GABRD: variants seen among roughly 807,000 people sequenced by gnomAD.
GABRD encodes gamma-aminobutyric acid receptor subunit delta.
GABRD carries 25 observed loss-of-function variants against 47.3 expected under a neutral mutation model. The ratio of observed to expected loss-of-function variants is 0.53; its 90% CI spans 0.39 to 0.74. The LOEUF is 0.74. Among genes scored for constraint, GABRD ranks in the 30% least tolerant of loss-of-function variants. The pLI is 0.00. For synonymous variants in GABRD, 314 were observed against 278.8 expected (o/e 1.13, Z -1.26); for missense variants, 497 against 643.4 (o/e 0.77, Z 2.46).
intron 4 of GABRD, chr1:2,027,248 G>A (rs1053413289): frequency 1.7e-5 from 7 of 420,074 alleles, no homozygotes; most frequent in Non-Finnish European, 2.2e-5. Context: ...GGCAACTCTG[G>A]GCCTATTCCC....
chr1:2,027,383 C>T (rs111756109), intron 4 of GABRD, 194 bp from the exon 5 acceptor site: 12 of 629,998 alleles, frequency 1.9e-5, no homozygotes, highest in Admixed American at 4.6e-5. Context: ...CAGTTCTTGA[C>T]GGTCCTAAAG....
chr1:2,020,578 A>C (rs1246650260), intron 1 of GABRD, among the ~76,000 whole-genome samples: 2 of 152,182 alleles, frequency 1.3e-5, no homozygotes, highest in African/African-American at 4.8e-5. Context: ...CCCTGGCTCT[A>C]AGCAGCCCGT....
chr1:2,020,107 G>C lies in GABRD; in HGVS notation c.68+616G>C, dbSNP rs1658734704. Reference sequence around the variant, plus strand: ...GTGCCCCTGGCCACAGAAAAGAGATGGTGGATTTCTTAACTATTTTGGGAG... The same window carrying C: ...GTGCCCCTGGCCACAGAAAAGAGATCGTGGATTTCTTAACTATTTTGGGAG... On this transcript the variant is annotated intron_variant, in intron 1 of 8. Coordinates refer to ENST00000378585, the MANE Select transcript of GABRD (RefSeq NM_000815.5). Among the ~76,000 whole-genome samples the C allele has an allele frequency of 2.6e-5, 4 of 152,166 alleles. No individual in the cohort carries two copies. The South Asian group carries it at 8.3e-4, about 31-fold the overall frequency.
Position 2,027,678 on chromosome 1 carries a change from C to T in GABRD, c.553+19C>T, listed in dbSNP as rs762652716. The T allele has an allele frequency of 1.2e-5, 19 of 1,606,388 alleles. No homozygotes were observed. Among genetic ancestry groups the T allele is most frequent in the Middle Eastern group, 1.7e-4 (1 of 6,054 alleles). On this transcript the variant is annotated intron_variant, in intron 5 of 8. Transcript: ENST00000378585. ...GAGAGCTGTGAGTGGGTGTGCAAGG[C>T]GGGTAGGGGCTTCTCCAGCAGTGGA...
chr1:2,025,130 C>A, intron 2 of GABRD, 76 bp downstream of exon 2: 1 of 1,379,682 alleles, frequency 7.2e-7, no homozygotes, highest in Non-Finnish European at 1.0e-6. Context: ...GCCCACTGGG[C>A]TGTAGGCTGG....
intron 6 of GABRD, 66 bp from the exon 7 acceptor site, chr1:2,029,045 C>A: frequency 2.0e-6 from 3 of 1,528,536 alleles, no homozygotes; most frequent in Non-Finnish European, 2.6e-6. Flanking sequence ...GCCCTGCAGC[C>A]CCTGAGTCCC....
intron 4 of GABRD, 187 bp downstream of exon 4, chr1:2,025,925 C>G (rs1051313360): frequency 1.7e-6 from 1 of 604,126 alleles, no homozygotes; most frequent in East Asian, 2.8e-5. Context: ...AACATCCGCT[C>G]CAAGGTCGCC....
At position 2,019,350 on chromosome 1, in the gene GABRD, C is replaced by T; in HGVS notation, c.-74C>T. On this transcript the variant is annotated 5_prime_UTR_variant, in exon 1 of 9. Coordinates refer to ENST00000378585, the MANE Select transcript of GABRD (RefSeq NM_000815.5). ...CGCCCGCGCCGCGCTCGCTCAGCTC[C>T]CGCCCGCCTGTGCCGCCTGTGCGGC... The T allele has an allele frequency of 1.2e-6, 1 of 848,814 alleles. No homozygotes were observed. Among genetic ancestry groups the T allele is most frequent in the Non-Finnish European group, 1.4e-6 (1 of 705,374 alleles). The allele number at this position is 848,814 out of a possible 1,614,324, so 52.6% of individuals were successfully genotyped here.
chr1:2,025,071 G>T lies in GABRD; in HGVS notation c.181+17G>T, dbSNP rs772795206. 1.3e-6 allele frequency: 2 copies of T among 1,597,962 alleles called. No homozygotes were observed. The highest frequency in any genetic ancestry group is 2.2e-5 in the South Asian group (2 of 90,254). On this transcript the variant is annotated intron_variant, in intron 2 of 8. Transcript: ENST00000378585. ...GCATCGGAGGTGAGGGGCGGTCCAG[G>T]CCCGGCAGGCAGGAGCCGCTGGAGC...
At position 2,027,633 on chromosome 1, in the gene GABRD, A is replaced by C. The variant is rs1412374892; in HGVS notation, c.527A>C (p.Gln176Pro). Residue 176 changes from glutamine (Q) to proline (P), a missense_variant, in exon 5 of 9, where the codon CAG becomes CCG. By Grantham distance (76) the Gln-to-Pro change is moderately conservative. Around this residue, in one of 3 missense-constraint regions of GABRD, gnomAD observed 285 missense variants for 436.6 expected, o/e 0.65. Transcript: ENST00000378585. ...MDLAKYPMDE[Q>P]ECMLDLESYG... ...CTGGCCAAATACCCCATGGACGAGC[A>C]GGAGTGCATGCTGGACCTGGAGAGC... 1 of 1,613,938 alleles carries C rather than the reference A, an allele frequency of 6.2e-7. No individual in the cohort carries two copies. Among genetic ancestry groups the C allele is most frequent in the African/African-American group, 1.3e-5 (1 of 75,062 alleles).
intron 1 of GABRD, among the ~76,000 whole-genome samples, chr1:2,021,859 AG>A (rs1307776389): frequency 1.3e-5 from 2 of 152,048 alleles, no homozygotes; most frequent in Admixed American, 6.6e-5. Flanking sequence ...CTGCAGGGGG[AG>A]GATCCCAGCT....
rs1659056442 is a variant in GABRD at position 2,030,346 on chromosome 1, G to T, written c.*64G>T. 2 of 1,412,206 alleles carry T rather than the reference G, an allele frequency of 1.4e-6. No individual in the cohort carries two copies. Among genetic ancestry groups the T allele is most frequent in the African/African-American group, 2.9e-5 (2 of 68,284 alleles). 87.5% of individuals were successfully genotyped at this position (1,412,206 alleles called of 1,614,324 possible). A position where few individuals can be genotyped will look rare whatever the true frequency, so the allele number is the denominator to read the frequency against. Reference sequence around the variant, plus strand: ...GGCGGCAGCTGCCCAGAAACTTCCTGGGAGAAAGAGCCCTCGGGCTGCCTT... The same window carrying T: ...GGCGGCAGCTGCCCAGAAACTTCCTTGGAGAAAGAGCCCTCGGGCTGCCTT... On this transcript the variant is annotated 3_prime_UTR_variant, in exon 9 of 9. Coordinates refer to ENST00000378585, the MANE Select transcript of GABRD (RefSeq NM_000815.5).
chr1:2,027,658 C>T lies in GABRD; in HGVS notation c.552C>T (p.Ser184=), dbSNP rs1658964455. ...DEQECMLDLE[S]YGYSSEDIVY... is the part of the protein sequence containing the mutation. ...AGGAGTGCATGCTGGACCTGGAGAG[C>T]TGTGAGTGGGTGTGCAAGGCGGGTA... Residue 184 remains serine (S), a splice_region_variant and synonymous_variant, in exon 5 of 9, where the codon AGC becomes AGT. Coordinates refer to ENST00000378585, the MANE Select transcript of GABRD (RefSeq NM_000815.5). 1.2e-6 allele frequency: 2 copies of T among 1,613,586 alleles called. No individual in the cohort carries two copies. Among genetic ancestry groups the T allele is most frequent in the Non-Finnish European group, 1.7e-6 (2 of 1,179,746 alleles).
chr1:2,026,251 G>A (rs1295483964), intron 4 of GABRD, among the ~76,000 whole-genome samples: 1 of 152,170 alleles, frequency 6.6e-6, no homozygotes, highest in Non-Finnish European at 1.5e-5. Flanking sequence ...CACATGCTGT[G>A]TGTGGGACCC....
chr1:2,029,856 T>A (rs1659034908), intron 8 of GABRD, 94 bp downstream of exon 8: 5 of 1,506,072 alleles, frequency 3.3e-6, no homozygotes, highest in Non-Finnish European at 4.6e-6. Flanking sequence ...CCAGCTGTGC[T>A]CCCTGAGCGT....
intron 1 of GABRD, 135 bp downstream of exon 1, chr1:2,019,626 C>CAA (rs1658719860): frequency 2.5e-6 from 1 of 401,650 alleles, no homozygotes; most frequent in African/African-American, 2.2e-5. Flanking sequence ...CGCGTCCTCC[C>CAA]TCCCCGGGGT....
At chr1:2,024,822 G>A (rs548787133) in intron 1 of GABRD, 120 bp from the exon 2 acceptor site, 2 of 691,308 alleles carry the variant, frequency 2.9e-6, no homozygotes, top group Admixed American at 5.2e-5. Flanking sequence ...GGCTCCCACA[G>A]TGGCCCCCCA....
intron 1 of GABRD, among the ~76,000 whole-genome samples, chr1:2,021,910 T>C (rs1225150532): frequency 1.3e-5 from 2 of 152,088 alleles, no homozygotes; most frequent in African/African-American, 2.4e-5. Flanking sequence ...CGCAGACAAG[T>C]GACAGGGATG....
At chr1:2,022,110 CA>C (rs1160503721) in intron 1 of GABRD, among the ~76,000 whole-genome samples, 2 of 152,156 alleles carry the variant, frequency 1.3e-5, no homozygotes, top group Non-Finnish European at 2.9e-5. Context: ...CAGGAAACCC[CA>C]AGCTCAGGCC....
Sources: gnomAD v4.1 joint callset for allele counts (sites outside exome capture counted in the v4.1 genomes callset) on GRCh38, gnomAD v4.1.1 for gene constraint, gnomAD v4.1.1 regional missense constraint, MANE v1.5 for transcripts, NCBI Gene and HGNC (gene_info 2026-07-23, HGNC 2026-07-21) for gene names.